CHRNE: variants seen among roughly 807,000 people sequenced by gnomAD.
CHRNE encodes the protein cholinergic receptor nicotinic epsilon subunit.
In CHRNE, 58 loss-of-function variants were observed where a neutral mutation model predicts 56.5. The observed-to-expected ratio is 1.03, with a 90% CI of 0.83 to 1.28. The LOEUF is 1.28. CHRNE is among the 50% of genes most tolerant of loss of function. The probability of loss-of-function intolerance (pLI) is 0.00; values close to 1 mark genes in which losing one functional copy is unlikely to be tolerated. For missense variants in CHRNE, 793 were observed against 688.9 expected, an observed-to-expected ratio of 1.15 and a Z score of -1.69; for synonymous variants, 385 against 297.9, an observed-to-expected ratio of 1.29 and a Z score of -3.01.
At position 4,902,109 on chromosome 17, in the gene CHRNE, G is replaced by C; in HGVS notation, c.345-22C>G. The stretch of plus-strand genomic sequence containing the variant: ...AATACTGTGGGCTCGGGGAAACCGA[G>C]CTTTTTGCACAGGTCTGCACCCTCT... On this transcript the variant is annotated intron_variant, in intron 4 of 11. Coordinates refer to ENST00000649488, the MANE Select transcript of CHRNE (RefSeq NM_000080.4). The surrounding 1 kb of genome is among the most constrained non-coding windows in gnomAD (Gnocchi z 4.0). 6.2e-7 allele frequency: 1 copy of C among 1,613,966 alleles called. No homozygotes were observed. The highest frequency in any genetic ancestry group is 8.5e-7 in the Non-Finnish European group (1 of 1,179,996).
At chr17:4,905,473 G>A (rs1970081302), upstream of CHRNE, among the ~76,000 whole-genome samples, 2 of 152,178 alleles carry the variant, frequency 1.3e-5, no homozygotes, top group African/African-American at 2.4e-5. Context: ...GCTGAGGCGG[G>A]AGGATTGCTT....
rs1970004900 is a variant in CHRNE at position 4,901,963 on chromosome 17, A to AT, written c.468_469insA (p.Phe157IlefsTer45). On this transcript the variant is annotated frameshift_variant, in exon 5 of 12. Coordinates refer to ENST00000649488, the MANE Select transcript of CHRNE (RefSeq NM_000080.4). LOFTEE classifies it high-confidence loss of function. ...ATAAGCGAACAGTTCTGCCAATCGA[A>AT]GGGGAAGTAGGTGACCTCCACTGCG... 6.2e-7 allele frequency: 1 copy of AT among 1,610,022 alleles called. No homozygotes were observed. The highest frequency in any genetic ancestry group is 1.7e-5 in the Admixed American group (1 of 59,916).
Position 4,902,363 on chromosome 17 carries a change from T to C in CHRNE, c.235-37A>G. 1 of 1,613,396 alleles carries C rather than the reference T, an allele frequency of 6.2e-7. No homozygotes were observed. The highest frequency in any genetic ancestry group is 8.5e-7 in the Non-Finnish European group (1 of 1,179,368). On this transcript the variant is annotated intron_variant, in intron 3 of 11. Coordinates refer to ENST00000649488, the MANE Select transcript of CHRNE (RefSeq NM_000080.4). This position sits in a 1 kb window ranked among gnomAD's most constrained non-coding sequence, Gnocchi z 4.0. ...GGGATGGAAGGCCGCGTGCCCTGCATCTCCCACCTGGCGCTGCCTGGGAGG... is the reference window on the plus strand; with the variant it reads ...GGGATGGAAGGCCGCGTGCCCTGCACCTCCCACCTGGCGCTGCCTGGGAGG...
At position 4,901,328 on chromosome 17, in the gene CHRNE, G is replaced by T. The variant is rs1010397980; in HGVS notation, c.602-138C>A. 7.7e-6 allele frequency: 8 copies of T among 1,035,816 alleles called. No individual in the cohort carries two copies. In the Admixed American group the frequency reaches 1.0e-4, roughly 13 times the overall value. The allele number at this position is 1,035,816 out of a possible 1,614,324, so 64.2% of individuals were successfully genotyped here. ...TGGGGGCAATTACGGACAGAAAAGGGCATTCTCGTTGAGGGTATGGAAAGC... is the reference window on the plus strand; with the variant it reads ...TGGGGGCAATTACGGACAGAAAAGGTCATTCTCGTTGAGGGTATGGAAAGC... On this transcript the variant is annotated intron_variant, in intron 6 of 11. Transcript: ENST00000649488.
rs763837110 is a variant in CHRNE at position 4,899,315 on chromosome 17, G to T, written c.1102C>A (p.Pro368Thr). The T allele has an allele frequency of 2.5e-6, 4 of 1,575,866 alleles. No homozygotes were observed. Among genetic ancestry groups the T allele is most frequent in the Middle Eastern group, 1.8e-4 (1 of 5,682 alleles). Residue 368 changes from proline to threonine, a missense_variant, in exon 10 of 12, where the codon CCC becomes ACC. Coordinates refer to ENST00000649488, the MANE Select transcript of CHRNE (RefSeq NM_000080.4). ...CCCACCGACGACGCCCGCCTTGGGG[G>T]CGAGGCGGCCCGGGGGGCCTCGGGC... The part of the protein sequence containing the change: ...PPPEAPRAAS[P>T]PRRASSVGLL...
At chr17:4,903,449 A>T (rs1174649676), upstream of CHRNE, among the ~76,000 whole-genome samples, 1 of 152,082 alleles carries the variant, frequency 6.6e-6, no homozygotes, top group Non-Finnish European at 1.5e-5. Flanking sequence ...ACTGATGAAC[A>T]CATCTGGGGA....
intron 8 of CHRNE, 163 bp from the exon 9 acceptor site, chr17:4,899,745 C>T: frequency 6.4e-7 from 1 of 1,550,508 alleles, no homozygotes; most frequent in South Asian, 1.2e-5. Flanking sequence ...TTCTCCTGTC[C>T]TACCACTTGT....
At chr17:4,901,874 G>T in intron 5 of CHRNE, 58 bp downstream of exon 5, 10 of 765,564 alleles carry the variant, frequency 1.3e-5, no homozygotes, top group Non-Finnish European at 2.2e-5. Flanking sequence ...GGTTGGCCCC[G>T]CCCCATAAGG....
In CHRNE at chr17:4,899,471, G is replaced by A. The variant is rs1172630871; in HGVS notation, c.1029C>T (p.Arg343=). Residue 343 remains arginine, a synonymous_variant, in exon 9 of 12, where the codon CGC becomes CGT. Coordinates refer to ENST00000649488, the MANE Select transcript of CHRNE (RefSeq NM_000080.4). ...GCACCGCCCCCTCCGCGCTTACGTGGCGCAGCCGCGGGGACATGGCGTGGG... is the reference window on the plus strand; with the variant it reads ...GCACCGCCCCCTCCGCGCTTACGTGACGCAGCCGCGGGGACATGGCGTGGG... ...PTTHAMSPRL[R]HVLLELLPRL... The A allele has an allele frequency of 5.0e-6, 8 of 1,589,968 alleles. No individual in the cohort carries two copies. The highest frequency in any genetic ancestry group is 3.4e-6 in the Non-Finnish European group (4 of 1,169,860).
In CHRNE at chr17:4,899,588, G is replaced by C. The variant is rs141408756; in HGVS notation, c.918-6C>G. The C allele has an allele frequency of 4.5e-4, 708 of 1,564,110 alleles. 2 individuals carry two copies. In the African/African-American group the frequency reaches 8.7e-3, roughly 19 times the overall value. On this transcript the variant is annotated splice_polypyrimidine_tract_variant and splice_region_variant and intron_variant, in intron 8 of 11. Transcript: ENST00000649488. ...CCATGACGAAAATAAGGAACCTGAG[G>C]AGCCCGGAAGGCATGACATCACCGT...
At position 4,899,497 on chromosome 17, in the gene CHRNE, T is replaced by C. The variant is rs1216965153; in HGVS notation, c.1003A>G (p.Thr335Ala). The C allele has an allele frequency of 1.3e-5, 21 of 1,600,538 alleles. No individual in the cohort carries two copies. Among genetic ancestry groups the C allele is most frequent in the Admixed American group, 1.7e-5 (1 of 58,332 alleles). ...CGCAGCCGCGGGGACATGGCGTGGGTGGTGGGCGTCCGCTGGGACACGTTG... is the reference window on the plus strand; with the variant it reads ...CGCAGCCGCGGGGACATGGCGTGGGCGGTGGGCGTCCGCTGGGACACGTTG... ...VLNVSQRTPT[T>A]HAMSPRLRHV... The change falls in exon 9 of 12, where the codon ACC (threonine) becomes GCC (alanine). Residue 335 changes from threonine to alanine, a missense_variant. Coordinates refer to ENST00000649488, the MANE Select transcript of CHRNE (RefSeq NM_000080.4).
At chr17:4,907,390 C>T (rs1178958314), upstream of CHRNE, among the ~76,000 whole-genome samples, 5 of 151,180 alleles carry the variant, frequency 3.3e-5, no homozygotes, top group South Asian at 2.1e-4. Context: ...GGTGAAACCC[C>T]GTGTCTACTA....
Position 4,903,054 on chromosome 17 carries a change from C to A in CHRNE, c.10G>T (p.Ala4Ser). 1 of 1,614,004 alleles carries A rather than the reference C, an allele frequency of 6.2e-7. No homozygotes were observed. The highest frequency in any genetic ancestry group is 8.5e-7 in the Non-Finnish European group (1 of 1,179,996). MARAPLGVLLLLGL... is the reference protein window; with the variant it reads MARSPLGVLLLLGL... ...AAGAGGAGCAGGACCCCAAGCGGAGCCCTTGCCATCCTGCTGCGTGGTTCT... is the reference window on the plus strand; with the variant it reads ...AAGAGGAGCAGGACCCCAAGCGGAGACCTTGCCATCCTGCTGCGTGGTTCT... Residue 4 changes from alanine (A) to serine (S), a missense_variant, in exon 1 of 12, where the codon GCT (alanine) becomes TCT (serine). Coordinates refer to ENST00000649488, the MANE Select transcript of CHRNE (RefSeq NM_000080.4).
rs760314762 is a variant in CHRNE at position 4,900,915 on chromosome 17, G to A, written c.803-8C>T. On this transcript the variant is annotated splice_polypyrimidine_tract_variant and splice_region_variant and intron_variant, in intron 7 of 11. Transcript: ENST00000649488. ...TGCATTTCTGGCCGCCGGCTGGAGG[G>A]AGAGCCAGTGAGAGCGGGCCCCGCC... The A allele has an allele frequency of 3.1e-6, 5 of 1,614,012 alleles. No individual in the cohort carries two copies. The East Asian group carries it at 8.9e-5, about 29-fold the overall frequency.
intron 8 of CHRNE, 149 bp downstream of exon 8, chr17:4,900,644 G>A (rs1202480965): frequency 1.8e-5 from 26 of 1,460,504 alleles, no homozygotes; most frequent in East Asian, 2.5e-5. Context: ...CGGCGGACCA[G>A]GGACTCCATC....
At chr17:4,900,681 A>G (rs1345791446) in intron 8 of CHRNE, 112 bp downstream of exon 8, 1 of 1,457,472 alleles carries the variant, frequency 6.9e-7, no homozygotes, top group African/African-American at 1.4e-5. Context: ...CCAGCGTCCG[A>G]ATAAAGCCCA....
At chr17:4,903,369 G>C (rs534204447), upstream of CHRNE, among the ~76,000 whole-genome samples, 113 of 152,166 alleles carry the variant, frequency 7.4e-4, no homozygotes, top group Admixed American at 1.6e-3. Context: ...CTAGTAGCAG[G>C]GGGTGGGAGA....
chr17:4,898,960 GGCCTCTGCCTCGCTCC>G (rs760140721), intron 11 of CHRNE, 25 bp downstream of exon 11: 1 of 1,560,830 alleles, frequency 6.4e-7, no homozygotes, highest in South Asian at 1.2e-5. Flanking sequence ...GACAGTGGTG[GGCCTCTGCCTCGCTCC>G]ACCCGCCTCT....
At chr17:4,899,442 G>GGCCC in intron 9 of CHRNE, 26 bp downstream of exon 9, 1 of 1,561,408 alleles carries the variant, frequency 6.4e-7, no homozygotes. Context: ...CCCCGACCCG[G>GGCCC]GCTGCACCGC....
Sources: allele counts gnomAD v4.1 joint callset (sites outside exome capture counted in the v4.1 genomes callset), GRCh38; gene constraint gnomAD v4.1.1; non-coding constraint Gnocchi (gnomAD v3.1); transcripts MANE v1.5; gene names NCBI Gene and HGNC (gene_info 2026-07-23, HGNC 2026-07-21).